The following ANGPT1 variants were observed in gnomAD, a reference collection of about 807,000 sequenced individuals.
ANGPT1 encodes the protein angiopoietin 1.
ANGPT1 carries 17 observed loss-of-function variants against 62.2 expected under a neutral mutation model. That is an observed-to-expected ratio of 0.27 (90% CI 0.19 to 0.41). The LOEUF (loss-of-function observed/expected upper bound fraction) is 0.41, where lower values mean the gene tolerates loss of function less well. Among genes scored for constraint, ANGPT1 ranks in the 10% least tolerant of loss-of-function variants. ANGPT1 has a pLI of 1.00. For synonymous variants in ANGPT1, 199 were observed against 198.9 expected, an observed-to-expected ratio of 1.00 and a Z score of 0.00; for missense variants, 478 against 594.9, an observed-to-expected ratio of 0.80 and a Z score of 2.04.
At chr8:107,303,211 A>T (rs1396050217) in intron 5 of ANGPT1, 29 bp downstream of exon 5, 1 of 1,605,678 alleles carries the variant, frequency 6.2e-7, no homozygotes, top group Non-Finnish European at 8.5e-7. Flanking sequence ...TCTGGCTTAC[A>T]TCTTGTAAAC....
At chr8:107,301,559 C>T (rs1001667979) in intron 5 of ANGPT1, among the ~76,000 whole-genome samples, 1 of 151,766 alleles carries the variant, frequency 6.6e-6, no homozygotes, top group African/African-American at 2.4e-5. Flanking sequence ...CATTGTATTT[C>T]AATTTTTCAT....
At position 107,358,373 on chromosome 8, in the gene ANGPT1, C is replaced by T. The variant is rs530930070; in HGVS notation, c.298-11276G>A. Reference sequence around the variant, plus strand: ...GACATCTTATAAATGCAATAAAATCCCTATTTTTTTTTTTCTCCCTTTGAT... The same window carrying T: ...GACATCTTATAAATGCAATAAAATCTCTATTTTTTTTTTTCTCCCTTTGAT... On this transcript the variant is annotated intron_variant, in intron 1 of 8. Coordinates refer to ENST00000517746, the MANE Select transcript of ANGPT1 (RefSeq NM_001146.5). Among the ~76,000 whole-genome samples, 135 of 104,082 alleles carry T rather than the reference C, an allele frequency of 1.3e-3. 1 individual carries two copies. The highest frequency in any genetic ancestry group is 2.2e-3 in the Non-Finnish European group (117 of 53,984). 68.3% of individuals were successfully genotyped at this position (104,082 alleles called of 152,430 possible). A position where few individuals can be genotyped will look rare whatever the true frequency, so the allele number is the denominator to read the frequency against.
intron 7 of ANGPT1, among the ~76,000 whole-genome samples, chr8:107,270,442 C>A (rs1813710441): frequency 6.6e-6 from 1 of 152,034 alleles, no homozygotes; most frequent in Admixed American, 6.6e-5. Context: ...AAATGACCTT[C>A]ATGGTTCTCT....
intron 1 of ANGPT1, among the ~76,000 whole-genome samples, chr8:107,478,754 C>T (rs1406818053): frequency 6.6e-6 from 1 of 151,984 alleles, no homozygotes; most frequent in Non-Finnish European, 1.5e-5. Context: ...TTCCACCCAC[C>T]CCACACACAA....
intron 5 of ANGPT1, among the ~76,000 whole-genome samples, chr8:107,302,983 G>A (rs1814629612): frequency 6.6e-6 from 1 of 151,884 alleles, no homozygotes; most frequent in South Asian, 2.1e-4. Flanking sequence ...AAACATGTAT[G>A]AGCAAGGGGA....
intron 1 of ANGPT1, among the ~76,000 whole-genome samples, chr8:107,359,181 C>G (rs971139893): frequency 1.3e-5 from 2 of 152,062 alleles, no homozygotes; most frequent in Non-Finnish European, 2.9e-5. Context: ...GCTAATAAAA[C>G]ATTCTCATAT....
chr8:107,260,215 A>G (rs1199324870), intron 8 of ANGPT1, among the ~76,000 whole-genome samples: 1 of 152,154 alleles, frequency 6.6e-6, no homozygotes, highest in South Asian at 2.1e-4. Flanking sequence ...TTTACCGATA[A>G]GGGTAATGAT....
At chr8:107,256,770 GA>G (rs1007279215) in intron 8 of ANGPT1, among the ~76,000 whole-genome samples, 1 of 151,418 alleles carries the variant, frequency 6.6e-6, no homozygotes, top group African/African-American at 2.4e-5. Context: ...GCAAAGGATT[GA>G]AAAAAAAGTT....
intron 1 of ANGPT1, among the ~76,000 whole-genome samples, chr8:107,462,335 C>T (rs925210964): frequency 6.6e-6 from 1 of 150,446 alleles, no homozygotes; most frequent in Admixed American, 6.7e-5. Flanking sequence ...CTGGGTAGCA[C>T]GAACATAATT....
chr8:107,335,352 T>A (rs1475857886), intron 3 of ANGPT1, among the ~76,000 whole-genome samples: 1 of 152,246 alleles, frequency 6.6e-6, no homozygotes, highest in Non-Finnish European at 1.5e-5. Flanking sequence ...ATATTATGCA[T>A]AGGAACTGAA....
chr8:107,271,850 G>A (rs1244250523), intron 7 of ANGPT1, among the ~76,000 whole-genome samples: 2 of 148,578 alleles, frequency 1.3e-5, no homozygotes, highest in African/African-American at 5.0e-5. Flanking sequence ...TTTGTTGAAT[G>A]AATCCAATAT....
chr8:107,463,590 T>C (rs906344266), intron 1 of ANGPT1, among the ~76,000 whole-genome samples: 1 of 152,106 alleles, frequency 6.6e-6, no homozygotes, highest in Non-Finnish European at 1.5e-5. Flanking sequence ...GAGCAGTGAC[T>C]TTGTCATTGT....
chr8:107,415,224 G>A (rs936600846), intron 1 of ANGPT1, among the ~76,000 whole-genome samples: 2 of 152,186 alleles, frequency 1.3e-5, no homozygotes. Context: ...ATACAGAAGG[G>A]GTTATGTCTA....
chr8:107,430,335 G>A (rs542520818), intron 1 of ANGPT1, among the ~76,000 whole-genome samples: 8 of 152,154 alleles, frequency 5.3e-5, no homozygotes, highest in South Asian at 4.1e-4. Flanking sequence ...TACCATCCTC[G>A]GGCTAAGTAC....
At chr8:107,463,943 G>A (rs1197800564) in intron 1 of ANGPT1, among the ~76,000 whole-genome samples, 3 of 152,210 alleles carry the variant, frequency 2.0e-5, no homozygotes, top group South Asian at 2.1e-4. Flanking sequence ...TGAAGATAAA[G>A]TTAGAATAAT....
intron 1 of ANGPT1, among the ~76,000 whole-genome samples, chr8:107,489,147 C>T (rs774102300): frequency 2.6e-5 from 4 of 152,086 alleles, no homozygotes; most frequent in Non-Finnish European, 2.9e-5. Flanking sequence ...TAAGCCATTT[C>T]GTTGAAATTT....
intron 1 of ANGPT1, among the ~76,000 whole-genome samples, chr8:107,442,828 C>G (rs1467369343): frequency 3.9e-5 from 6 of 152,170 alleles, no homozygotes; most frequent in Non-Finnish European, 7.4e-5. Context: ...CTTAGTAACT[C>G]AGCCTGCTAA....
At chr8:107,382,278 T>C (rs1276293792) in intron 1 of ANGPT1, among the ~76,000 whole-genome samples, 1 of 152,164 alleles carries the variant, frequency 6.6e-6, no homozygotes, top group Non-Finnish European at 1.5e-5. Context: ...TCCCCTTCCC[T>C]ATTACATTTT....
At chr8:107,375,061 G>A (rs552788425) in intron 1 of ANGPT1, among the ~76,000 whole-genome samples, 1 of 152,230 alleles carries the variant, frequency 6.6e-6, no homozygotes, top group African/African-American at 2.4e-5. Flanking sequence ...TCAGGAAGCT[G>A]AGGCAGGAGA....
Sources: allele counts gnomAD v4.1 joint callset (sites outside exome capture counted in the v4.1 genomes callset), GRCh38; gene constraint gnomAD v4.1.1; transcripts MANE v1.5; gene names NCBI Gene and HGNC (gene_info 2026-07-23, HGNC 2026-07-21).